Variants in RANBP2 observed in about 807,000 individuals in gnomAD.
RANBP2 encodes the protein E3 SUMO-protein ligase RanBP2.
A neutral mutation model predicts 303.6 loss-of-function variants in RANBP2; 57 were observed. The ratio of observed to expected loss-of-function variants is 0.19; its 90% CI spans 0.15 to 0.23. RANBP2 has a LOEUF of 0.23. Among genes scored for constraint, RANBP2 ranks in the 10% least tolerant of loss-of-function variants. The pLI is 1.00. For synonymous variants in RANBP2, 1,167 were observed against 1,301.5 expected (o/e 0.90, Z 2.23); for missense variants, 3,138 against 3,780.8 (o/e 0.83, Z 4.46).
chr2:109,010,942 T>G, the RANBP2 span, among the ~76,000 whole-genome samples: 1 of 152,160 alleles, frequency 6.6e-6, no homozygotes, highest in East Asian at 1.9e-4. Context: ...CAACCACTCC[T>G]GGTTCCCTGC....
the RANBP2 span, among the ~76,000 whole-genome samples, chr2:109,680,133 C>A: frequency 6.7e-6 from 1 of 148,774 alleles, no homozygotes; most frequent in Admixed American, 6.8e-5. Flanking sequence ...ATCACGAGGT[C>A]AGGAGATCGA....
the RANBP2 span, chr2:109,614,774 G>T: frequency 6.8e-7 from 1 of 1,478,192 alleles, no homozygotes. Flanking sequence ...GGGACCCGCC[G>T]CGAATCCAGG....
chr2:109,015,296 G>A, the RANBP2 span, among the ~76,000 whole-genome samples: 17 of 152,012 alleles, frequency 1.1e-4, no homozygotes, highest in African/African-American at 3.4e-4. Context: ...GACAGAGACA[G>A]CAAGACCAAC....
intron 4 of RANBP2, among the ~76,000 whole-genome samples, chr2:108,733,134 C>T (rs1356671242): frequency 5.9e-5 from 9 of 151,538 alleles, no homozygotes; most frequent in Admixed American, 3.9e-4. Flanking sequence ...AAGCACATGA[C>T]GTTTTGAGGT....
At chr2:109,152,668 C>A in the RANBP2 span, among the ~76,000 whole-genome samples, 1 of 152,124 alleles carries the variant, frequency 6.6e-6, no homozygotes, top group African/African-American at 2.4e-5. Context: ...GTAAGCATTT[C>A]ATGGTTTCAA....
the RANBP2 span, among the ~76,000 whole-genome samples, chr2:108,885,728 T>C: frequency 7.8e-3 from 1,185 of 152,326 alleles, 22 homozygotes; most frequent in African/African-American, 0.026. Context: ...TGTATGTTTG[T>C]ACACTTTAAC....
the RANBP2 span, among the ~76,000 whole-genome samples, chr2:108,968,931 A>G: frequency 6.6e-6 from 1 of 152,206 alleles, no homozygotes; most frequent in Non-Finnish European, 1.5e-5. Flanking sequence ...AAAGACAACC[A>G]CAAAGATTGT....
chr2:109,404,284 G>A, the RANBP2 span, among the ~76,000 whole-genome samples: 1 of 152,218 alleles, frequency 6.6e-6, no homozygotes, highest in Admixed American at 6.5e-5. Context: ...TTGTTGATGA[G>A]AATGCTGAAA....
At chr2:109,222,123 C>A in the RANBP2 span, among the ~76,000 whole-genome samples, 3 of 151,894 alleles carry the variant, frequency 2.0e-5, no homozygotes, top group Admixed American at 6.5e-5. Flanking sequence ...GACGATCTCA[C>A]TCATATGTGG....
chr2:109,025,426 T>A, the RANBP2 span, among the ~76,000 whole-genome samples: 3 of 152,220 alleles, frequency 2.0e-5, no homozygotes, highest in African/African-American at 7.2e-5. Context: ...ATATAATGGG[T>A]TAGCAGAGTA....
At chr2:109,272,669 G>A in the RANBP2 span, among the ~76,000 whole-genome samples, 1 of 152,210 alleles carries the variant, frequency 6.6e-6, no homozygotes, top group South Asian at 2.1e-4. Flanking sequence ...CCACACCAGC[G>A]CTGAGTTGTC....
the RANBP2 span, among the ~76,000 whole-genome samples, chr2:109,146,959 T>G: frequency 2.2e-5 from 3 of 139,266 alleles, no homozygotes; most frequent in Admixed American, 8.0e-5. Flanking sequence ...TGGCAGTAAC[T>G]GTTCCCATCT....
chr2:108,786,905 G>A (rs1453608351), downstream of RANBP2: 8 of 1,539,422 alleles, frequency 5.2e-6, no homozygotes, highest in East Asian at 5.3e-5. Context: ...GGGGGCAGCT[G>A]CCCCGACGAG....
chr2:108,852,128 C>A, the RANBP2 span, among the ~76,000 whole-genome samples: 7 of 152,268 alleles, frequency 4.6e-5, no homozygotes, highest in Non-Finnish European at 1.0e-4. Context: ...TTAATCCTCA[C>A]AACAGTTCAT....
At chr2:109,435,790 G>T in the RANBP2 span, among the ~76,000 whole-genome samples, 5 of 152,250 alleles carry the variant, frequency 3.3e-5, no homozygotes, top group Admixed American at 2.6e-4. Flanking sequence ...TGATTTCCTC[G>T]GGGAAAAGTG....
At chr2:109,450,136 A>G in the RANBP2 span, among the ~76,000 whole-genome samples, 1 of 152,136 alleles carries the variant, frequency 6.6e-6, no homozygotes, top group Non-Finnish European at 1.5e-5. Flanking sequence ...ACCTGAGGTC[A>G]GGAGTTTGAA....
chr2:109,038,772 C>G, the RANBP2 span, among the ~76,000 whole-genome samples: 1,035 of 152,296 alleles, frequency 6.8e-3, 5 homozygotes, highest in East Asian at 0.035. Flanking sequence ...CAAAGTAGCA[C>G]CAGTAACTTT....
At chr2:109,574,275 CA>C in the RANBP2 span, among the ~76,000 whole-genome samples, 96 of 131,022 alleles carry the variant, frequency 7.3e-4, no homozygotes, top group Admixed American at 1.8e-3. Flanking sequence ...TCCAACTCCA[CA>C]AAAAAAAAAA....
chr2:109,244,210 G>A, the RANBP2 span, among the ~76,000 whole-genome samples: 9 of 152,230 alleles, frequency 5.9e-5, no homozygotes, highest in Non-Finnish European at 7.4e-5. Flanking sequence ...ATTCTAATCC[G>A]AGCTGGAGAT....
Sources: gnomAD v4.1 joint callset for allele counts (sites outside exome capture counted in the v4.1 genomes callset) on GRCh38, gnomAD v4.1.1 for gene constraint, MANE v1.5 for transcripts, NCBI Gene and HGNC (gene_info 2026-07-23, HGNC 2026-07-21) for gene names.